COL22A1: variants seen among roughly 807,000 people sequenced by gnomAD.
The protein encoded by COL22A1 is collagen type XXII alpha 1 chain.
COL22A1 carries 221 observed loss-of-function variants against 248.9 expected under a neutral mutation model. That is an observed-to-expected ratio of 0.89 (90% CI 0.80 to 0.99). The LOEUF is 0.99. COL22A1 is among the 50% of genes least tolerant of loss of function. The pLI, the probability that COL22A1 is intolerant of heterozygous loss-of-function variation, is 0.00. For synonymous variants in COL22A1, 891 were observed against 793.4 expected (o/e 1.12, Z -2.07); for missense variants, 2,240 against 2,179.0 (o/e 1.03, Z -0.56).
At chr8:138,835,198 T>C (rs1415925298) in intron 4 of COL22A1, among the ~76,000 whole-genome samples, 3 of 152,158 alleles carry the variant, frequency 2.0e-5, no homozygotes, top group Non-Finnish European at 4.4e-5. Flanking sequence ...GGTTGTCAAG[T>C]TCTTGGAAAA....
intron 8 of COL22A1, among the ~76,000 whole-genome samples, chr8:138,812,522 G>A (rs1294646680): frequency 3.3e-5 from 5 of 152,154 alleles, no homozygotes; most frequent in South Asian, 2.1e-4. Context: ...CTGCACAGAG[G>A]GATTGAAGGG....
chr8:138,663,036 A>ACACACACAC (rs1554737820), intron 42 of COL22A1, among the ~76,000 whole-genome samples: 3 of 151,990 alleles, frequency 2.0e-5, no homozygotes, highest in East Asian at 1.9e-4. Flanking sequence ...ACACACACAC[A>ACACACACAC]AAGCAATCCC....
At chr8:138,623,237 CATATATAT>C (rs5895541) in intron 52 of COL22A1, among the ~76,000 whole-genome samples, 1 of 141,364 alleles carries the variant, frequency 7.1e-6, no homozygotes, top group African/African-American at 2.7e-5. Context: ...TGTGTGTGTA[CATATATAT>C]ATATATATAT....
At chr8:138,675,266 G>A (rs1825421302) in intron 41 of COL22A1, among the ~76,000 whole-genome samples, 1 of 152,194 alleles carries the variant, frequency 6.6e-6, no homozygotes, top group South Asian at 2.1e-4. Flanking sequence ...TACTCTGGAT[G>A]TAAGAGAACC....
At chr8:138,823,036 A>G (rs1819273805) in intron 6 of COL22A1, among the ~76,000 whole-genome samples, 1 of 152,164 alleles carries the variant, frequency 6.6e-6, no homozygotes. Flanking sequence ...ATGTGGGCCC[A>G]GTGGGGGCTG....
chr8:138,746,199 G>GC (rs966977580), intron 22 of COL22A1, among the ~76,000 whole-genome samples: 5 of 152,140 alleles, frequency 3.3e-5, no homozygotes, highest in Non-Finnish European at 7.4e-5. Context: ...GGGTTCTGTT[G>GC]CCCCCCAACC....
intron 1 of COL22A1, among the ~76,000 whole-genome samples, chr8:138,903,948 C>T (rs1365914991): frequency 6.6e-6 from 1 of 152,094 alleles, no homozygotes; most frequent in African/African-American, 2.4e-5. Context: ...ACACTGGATC[C>T]CGAGAACAAG....
intron 29 of COL22A1, 73 bp from the exon 30 acceptor site, chr8:138,715,808 G>C: frequency 1.8e-6 from 2 of 1,093,902 alleles, no homozygotes; most frequent in Non-Finnish European, 1.4e-6. Flanking sequence ...CAAGGTAAGA[G>C]CAACATGACT....
At position 138,776,020 on chromosome 8, in the gene COL22A1, A is replaced by G; in HGVS notation, c.1759-10T>C. 6.2e-7 allele frequency: 1 copy of G among 1,614,046 alleles called. No individual in the cohort carries two copies. Among genetic ancestry groups the G allele is most frequent in the Non-Finnish European group, 8.5e-7 (1 of 1,179,906 alleles). On this transcript the variant is annotated splice_polypyrimidine_tract_variant and intron_variant, in intron 15 of 64. Coordinates refer to ENST00000303045, the MANE Select transcript of COL22A1 (RefSeq NM_152888.3). The stretch of plus-strand genomic sequence containing the variant: ...GTTCTCCTTGGAGACCCTGGGGGAC[A>G]AAGAAAGAGCAGTGACCCAACATCT...
chr8:138,773,908 C>A (rs201364487), intron 16 of COL22A1, among the ~76,000 whole-genome samples: 1 of 152,190 alleles, frequency 6.6e-6, no homozygotes, highest in Non-Finnish European at 1.5e-5. Context: ...AGCCCTGCTG[C>A]GGGGCAGTTC....
At chr8:138,844,998 C>T (rs1240331494) in intron 3 of COL22A1, among the ~76,000 whole-genome samples, 1 of 151,002 alleles carries the variant, frequency 6.6e-6, no homozygotes, top group Non-Finnish European at 1.5e-5. Context: ...ATGAAACCTC[C>T]AAGTCAGTAG....
At chr8:138,824,752 T>A (rs1428148457) in intron 6 of COL22A1, among the ~76,000 whole-genome samples, 7 of 152,176 alleles carry the variant, frequency 4.6e-5, no homozygotes, top group Non-Finnish European at 1.0e-4. Context: ...TCTTTATAGG[T>A]CTTTATCCAA....
At chr8:138,901,389 C>A (rs1430361482) in intron 1 of COL22A1, among the ~76,000 whole-genome samples, 1 of 54,276 alleles carries the variant, frequency 1.8e-5, no homozygotes, top group African/African-American at 5.1e-5. Flanking sequence ...TTTTTTGAGA[C>A]AGTCTCTCAC....
chr8:138,691,710 GTGTT>G, intron 35 of COL22A1, among the ~76,000 whole-genome samples: 1 of 99,400 alleles, frequency 1.0e-5, no homozygotes, highest in South Asian at 3.5e-4. Context: ...TTGTGGAGGT[GTGTT>G]TATGTGTGTA....
rs2131862493 is a variant in COL22A1, at chr8:138,607,929, A to T, written c.4032+7T>A. 6.2e-7 allele frequency: 1 copy of T among 1,613,860 alleles called. No homozygotes were observed. The highest frequency in any genetic ancestry group is 8.5e-7 in the Non-Finnish European group (1 of 1,179,872). ...ATGCCATCACATAGCAGCCAAAGAG[A>T]ACTCACAGGGGTTCCTGAAGGGCCA... On this transcript the variant is annotated splice_region_variant and intron_variant, in intron 57 of 64. Transcript: ENST00000303045.
At position 138,821,125 on chromosome 8, in the gene COL22A1, CT is replaced by C; in HGVS notation, c.1245+10del. ...TGGAACCTGGGCTGCAGAAGGCCCC[CT>C]GGTACTCACGTCAATGGGCACACTG... On this transcript the variant is annotated intron_variant, in intron 7 of 64. Transcript: ENST00000303045. 3 of 1,610,112 alleles carry C rather than the reference CT, an allele frequency of 1.9e-6. No individual in the cohort carries two copies. Among genetic ancestry groups the C allele is most frequent in the Non-Finnish European group, 2.5e-6 (3 of 1,176,586 alleles).
intron 1 of COL22A1, among the ~76,000 whole-genome samples, chr8:138,898,838 GCAA>G (rs1814322504): frequency 6.6e-6 from 1 of 152,082 alleles, no homozygotes; most frequent in South Asian, 2.1e-4. Context: ...CTGGAGCACA[GCAA>G]CAACATCTGA....
At chr8:138,694,971 C>G in intron 32 of COL22A1, 92 bp from the exon 33 acceptor site, 2 of 1,211,358 alleles carry the variant, frequency 1.7e-6, no homozygotes, top group Non-Finnish European at 2.4e-6. Context: ...ACACAGGCCA[C>G]CTCCAGTCCT....
At chr8:138,649,810 G>A (rs541531800) in intron 45 of COL22A1, 32 bp from the exon 46 acceptor site, 2 of 1,337,718 alleles carry the variant, frequency 1.5e-6, no homozygotes, top group African/African-American at 1.5e-5. Flanking sequence ...GGGACAAAGA[G>A]AGAATAACTA....
Sources: allele counts gnomAD v4.1 joint callset (sites outside exome capture counted in the v4.1 genomes callset), GRCh38; gene constraint gnomAD v4.1.1; transcripts MANE v1.5; gene names NCBI Gene and HGNC (gene_info 2026-07-23, HGNC 2026-07-21).